Variants in JARID2 observed in about 807,000 individuals in gnomAD.
JARID2 encodes jumonji and AT-rich interaction domain containing 2, also known as protein Jumonji.
Under a neutral mutation model 125.6 loss-of-function variants are expected in JARID2, and 21 were observed. That is an observed-to-expected ratio of 0.17 (90% CI 0.12 to 0.24). JARID2 has a LOEUF of 0.24. Ranked by LOEUF, JARID2 falls within the 10% of genes least tolerant of loss-of-function variation. JARID2 has a pLI of 1.00. For missense variants in JARID2, 1,303 were observed against 1,639.6 expected, an observed-to-expected ratio of 0.79 and a Z score of 3.55; for synonymous variants, 736 against 661.6, an observed-to-expected ratio of 1.11 and a Z score of -1.73.
chr6:15,364,328 T>C (rs1342593637), intron 1 of JARID2, among the ~76,000 whole-genome samples: 1 of 152,198 alleles, frequency 6.6e-6, no homozygotes, highest in Non-Finnish European at 1.5e-5. Context: ...ACCCTGTGGG[T>C]ACTTGGAGAC....
intron 8 of JARID2, 23 bp downstream of exon 8, chr6:15,501,432 C>A: frequency 6.6e-7 from 1 of 1,516,250 alleles, no homozygotes; most frequent in South Asian, 1.3e-5. Context: ...GCAGAGCAGC[C>A]ACTCCCAGCT....
At chr6:15,401,097 G>A in intron 2 of JARID2, 5 of 1,288,528 alleles carry the variant, frequency 3.9e-6, no homozygotes, top group Admixed American at 2.3e-5. Flanking sequence ...GGAGAAATAG[G>A]CCTTTGTGGG....
At chr6:15,281,231 A>G (rs1406310389) in intron 1 of JARID2, among the ~76,000 whole-genome samples, 2 of 152,160 alleles carry the variant, frequency 1.3e-5, no homozygotes, top group Non-Finnish European at 2.9e-5. Context: ...CTTTTATTCT[A>G]ATAAGGAACT....
chr6:15,367,854 T>C (rs770043306), intron 1 of JARID2, among the ~76,000 whole-genome samples: 4 of 152,212 alleles, frequency 2.6e-5, no homozygotes, highest in Non-Finnish European at 4.4e-5. Flanking sequence ...TTCAAGTCTT[T>C]CCAGTCGACT....
chr6:15,488,744 A>G (rs1462963853), intron 6 of JARID2, among the ~76,000 whole-genome samples: 1 of 152,144 alleles, frequency 6.6e-6, no homozygotes, highest in African/African-American at 2.4e-5. Context: ...AGCAAATAGT[A>G]TGCAGTTGGG....
chr6:15,302,407 T>A (rs1317117745), intron 1 of JARID2, among the ~76,000 whole-genome samples: 2 of 150,968 alleles, frequency 1.3e-5, no homozygotes, highest in African/African-American at 4.9e-5. Flanking sequence ...AGAGCGAGAC[T>A]CTGTCTTGGG....
At chr6:15,435,785 G>A (rs1029108699) in intron 3 of JARID2, among the ~76,000 whole-genome samples, 1 of 151,436 alleles carries the variant, frequency 6.6e-6, no homozygotes, top group African/African-American at 2.4e-5. Context: ...AAGCTGTTTG[G>A]CACATTGGAG....
chr6:15,372,585 C>T (rs762338436), intron 1 of JARID2, among the ~76,000 whole-genome samples: 1 of 152,198 alleles, frequency 6.6e-6, no homozygotes, highest in South Asian at 2.1e-4. Flanking sequence ...TGGTCTCAAT[C>T]CCTTGTGATC....
At chr6:15,414,241 T>A (rs1304811868) in intron 3 of JARID2, among the ~76,000 whole-genome samples, 1 of 152,150 alleles carries the variant, frequency 6.6e-6, no homozygotes, top group East Asian at 1.9e-4. Context: ...CTAGTCTGCT[T>A]TTCCAACCTG....
chr6:15,280,198 A>G (rs997824294), intron 1 of JARID2, among the ~76,000 whole-genome samples: 1 of 152,204 alleles, frequency 6.6e-6, no homozygotes, highest in Non-Finnish European at 1.5e-5. Flanking sequence ...GCACTTCAGT[A>G]GTAATAAAAA....
chr6:15,494,740 G>A (rs990089111), intron 6 of JARID2, among the ~76,000 whole-genome samples: 4 of 152,164 alleles, frequency 2.6e-5, no homozygotes, highest in African/African-American at 9.7e-5. Flanking sequence ...GGGGTCCTGG[G>A]CCAGGCCTAG....
chr6:15,458,042 A>C (rs1161650276), intron 4 of JARID2, among the ~76,000 whole-genome samples: 2 of 152,148 alleles, frequency 1.3e-5, no homozygotes, highest in East Asian at 3.8e-4. Flanking sequence ...AGGGGTCCAC[A>C]TGTCTCTTGC....
At chr6:15,319,886 C>T (rs1762297673) in intron 1 of JARID2, among the ~76,000 whole-genome samples, 1 of 152,198 alleles carries the variant, frequency 6.6e-6, no homozygotes, top group African/African-American at 2.4e-5. Context: ...AGGCTTCTTG[C>T]TTCACTGCAT....
At chr6:15,341,972 TATCTTAGAAC>T (rs572569126) in intron 1 of JARID2, among the ~76,000 whole-genome samples, 205 of 152,196 alleles carry the variant, frequency 1.3e-3, no homozygotes, top group Admixed American at 5.3e-3. Flanking sequence ...AATATATTTT[TATCTTAGAAC>T]ATTTGGGCTT....
rs182389800 is a variant in JARID2, at chr6:15,467,887, A to C, written c.494-655A>C. Among the ~76,000 whole-genome samples, 78 of 152,332 alleles carry C rather than the reference A, an allele frequency of 5.1e-4. 1 individual carries two copies. Among genetic ancestry groups the C allele is most frequent in the Non-Finnish European group, 3.8e-4 (26 of 68,030 alleles). On this transcript the variant is annotated intron_variant, in intron 4 of 17. Coordinates refer to ENST00000341776, the MANE Select transcript of JARID2 (RefSeq NM_004973.4). ...GAGAACCTTTGAGGATGAGAGGTTA[A>C]GATGTAAAAGGGTAAAGGTGAGGAG... is the stretch of plus-strand genomic sequence containing the variant.
intron 3 of JARID2, among the ~76,000 whole-genome samples, chr6:15,416,708 AGGGAGAGGGAGAGGG>A (rs1164328836): frequency 2.6e-5 from 2 of 77,664 alleles, no homozygotes; most frequent in Non-Finnish European, 5.0e-5. Flanking sequence ...CCGTGGGGAG[AGGGAGAGGGAGAGGG>A]GGGAGAGGGA....
chr6:15,465,652 T>A (rs1415329087), intron 4 of JARID2, among the ~76,000 whole-genome samples: 1 of 151,648 alleles, frequency 6.6e-6, no homozygotes, highest in Non-Finnish European at 1.5e-5. Context: ...TTTGAGTTTT[T>A]AAAAAAATCC....
At chr6:15,281,039 A>G (rs1414515014) in intron 1 of JARID2, among the ~76,000 whole-genome samples, 1 of 152,218 alleles carries the variant, frequency 6.6e-6, no homozygotes, top group African/African-American at 2.4e-5. Flanking sequence ...CCGTGCCGTC[A>G]TATGAGTGAT....
chr6:15,501,437 C>A, intron 8 of JARID2, 28 bp downstream of exon 8: 2 of 1,514,376 alleles, frequency 1.3e-6, no homozygotes, highest in Non-Finnish European at 1.8e-6. Flanking sequence ...GCAGCCACTC[C>A]CAGCTGCAGG....
Sources: allele counts gnomAD v4.1 joint callset (sites outside exome capture counted in the v4.1 genomes callset), GRCh38; gene constraint gnomAD v4.1.1; transcripts MANE v1.5; gene names NCBI Gene and HGNC (gene_info 2026-07-23, HGNC 2026-07-21).